Variants in PROM2 observed in about 807,000 individuals in gnomAD.
PROM2 encodes prominin 2.
In PROM2, 90 loss-of-function variants were observed where a neutral mutation model predicts 110.2. The observed-to-expected ratio is 0.82, with a 90% CI of 0.69 to 0.97. PROM2 has a LOEUF of 0.97. Ranked by LOEUF, PROM2 falls within the 50% of genes least tolerant of loss-of-function variation. The probability of loss-of-function intolerance (pLI) is 0.00; values close to 1 mark genes in which losing one functional copy is unlikely to be tolerated. For synonymous variants in PROM2, 470 were observed against 467.8 expected (o/e 1.00, Z -0.06); for missense variants, 1,009 against 1,074.8 (o/e 0.94, Z 0.86).
intron 6 of PROM2, 57 bp from the exon 7 acceptor site, chr2:95,277,307 A>C: frequency 2.0e-6 from 3 of 1,529,462 alleles, no homozygotes; most frequent in Non-Finnish European, 1.8e-6. Flanking sequence ...TGCCTCCTGC[A>C]AGGCGTCTGG....
chr2:95,288,370 G>T (rs1306899127), intron 21 of PROM2, 70 bp downstream of exon 21: 19 of 1,593,478 alleles, frequency 1.2e-5, no homozygotes, highest in African/African-American at 2.7e-5. Flanking sequence ...GGGAGGGCCG[G>T]GTGAGCAGGG....
chr2:95,274,907 G>A, intron 1 of PROM2, 78 bp downstream of exon 1: 12 of 1,452,790 alleles, frequency 8.3e-6, no homozygotes, highest in Non-Finnish European at 1.0e-5. Context: ...TCTACCATGG[G>A]ATGTGCCCAA....
intron 19 of PROM2, 63 bp from the exon 20 acceptor site, chr2:95,287,333 G>A (rs572862481): frequency 3.3e-5 from 53 of 1,587,910 alleles, no homozygotes; most frequent in Admixed American, 1.0e-4. Context: ...GGGGGGTGGC[G>A]TGGGTGGGGG....
At position 95,275,982 on chromosome 2, in the gene PROM2, A is replaced by G. The variant is rs138181911; in HGVS notation, c.347A>G (p.Tyr116Cys). 3.7e-6 allele frequency: 6 copies of G among 1,612,210 alleles called. No homozygotes were observed. Among genetic ancestry groups the G allele is most frequent in the Middle Eastern group, 1.7e-4 (1 of 6,060 alleles). The change falls in exon 3 of 24, where the codon TAC becomes TGC. Residue 116 changes from tyrosine to cysteine, a missense_variant. Coordinates refer to ENST00000317620, the MANE Select transcript of PROM2 (RefSeq NM_001165978.3). This position sits in a 1 kb window ranked among gnomAD's most constrained non-coding sequence, Gnocchi z 4.4. ...GTATGCGCTGTGATCGCGGGCCTCT[A>G]CCTGCTGCTGGTGCCCACTGCCGGG... ...YVVCAVIAGL[Y>C]LLLVPTAGLC...
At chr2:95,288,906 G>A (rs2104157280) in intron 22 of PROM2, 27 bp from the exon 23 acceptor site, 1 of 1,609,288 alleles carries the variant, frequency 6.2e-7, no homozygotes, top group Non-Finnish European at 8.5e-7. Context: ...GGAAGGGTAT[G>A]CTCACTCTCT....
At position 95,287,812 on chromosome 2, in the gene PROM2, G is replaced by A. The variant is rs552260559; in HGVS notation, c.2244+348G>A. Among the ~76,000 whole-genome samples, 12 of 152,360 alleles carry A rather than the reference G, an allele frequency of 7.9e-5. No individual in the cohort carries two copies. The South Asian group carries it at 2.5e-3, about 32-fold the overall frequency. On this transcript the variant is annotated intron_variant, in intron 20 of 23. Coordinates refer to ENST00000317620, the MANE Select transcript of PROM2 (RefSeq NM_001165978.3). ...CCGATGCAGACCCTTGCTGAACACAGCCTCTGCAAGCTGTCTGGATGCCCA... is the reference window on the plus strand; with the variant it reads ...CCGATGCAGACCCTTGCTGAACACAACCTCTGCAAGCTGTCTGGATGCCCA...
intron 12 of PROM2, 104 bp downstream of exon 12, chr2:95,281,469 A>T: frequency 8.0e-7 from 1 of 1,250,516 alleles, no homozygotes; most frequent in Non-Finnish European, 1.1e-6. Context: ...GGTAAAAGGG[A>T]GAGAGGGAGG....
chr2:95,285,747 G>A (rs1478217936), intron 16 of PROM2, 37 bp downstream of exon 16: 5 of 1,559,452 alleles, frequency 3.2e-6, no homozygotes, highest in Admixed American at 1.9e-5. Flanking sequence ...GGCAGCAGGA[G>A]CCACAGGGGG....
At chr2:95,278,129 G>A (rs1676786595) in intron 8 of PROM2, 125 bp downstream of exon 8, 1 of 754,912 alleles carries the variant, frequency 1.3e-6, no homozygotes, top group African/African-American at 1.7e-5. Flanking sequence ...ACAGCACCCT[G>A]GGCAGGGGAC....
In PROM2 at chr2:95,274,533, C is replaced by A; in HGVS notation, c.-53C>A. 1.3e-6 allele frequency: 2 copies of A among 1,512,268 alleles called. No individual in the cohort carries two copies. Among genetic ancestry groups the A allele is most frequent in the Non-Finnish European group, 1.8e-6 (2 of 1,128,420 alleles). The allele number at this position is 1,512,268 out of a possible 1,614,324, so 93.7% of individuals were successfully genotyped here. ...AGGCTGGAGAAGGATGTATGGCCTG[C>A]CCTGGGCTTGTCTGTTCCCTCCTGA... is the stretch of plus-strand genomic sequence containing the variant. On this transcript the variant is annotated 5_prime_UTR_variant, in exon 1 of 24. It introduces an in-frame stop codon into an upstream open reading frame of the 5' UTR. Transcript: ENST00000317620.
At chr2:95,277,599 A>T (rs1676752778) in intron 7 of PROM2, 33 bp downstream of exon 7, 2 of 1,503,812 alleles carry the variant, frequency 1.3e-6, no homozygotes, top group East Asian at 4.6e-5. Context: ...TCTTAAAGCC[A>T]CGGAGGGCTA....
At chr2:95,278,610 A>G in intron 8 of PROM2, 111 bp from the exon 9 acceptor site, 1 of 1,239,676 alleles carries the variant, frequency 8.1e-7, no homozygotes, top group Non-Finnish European at 1.2e-6. Flanking sequence ...GAAAAGAGGG[A>G]AACTGGGAGC....
chr2:95,277,589 T>A, intron 7 of PROM2, 23 bp downstream of exon 7: 1 of 1,520,464 alleles, frequency 6.6e-7, no homozygotes, highest in Non-Finnish European at 8.8e-7. Flanking sequence ...GACAGAGTCC[T>A]CTTAAAGCCA....
chr2:95,281,437 T>C, intron 12 of PROM2, 72 bp downstream of exon 12: 1 of 297,906 alleles, frequency 3.4e-6, no homozygotes, highest in Non-Finnish European at 4.1e-6. Flanking sequence ...GCAGGAGGGT[T>C]GGGGGAAAGT....
rs1165397604 is a variant in PROM2 at position 95,274,849 on chromosome 2, A to T, written c.244+20A>T. 1 of 1,514,094 alleles carries T rather than the reference A, an allele frequency of 6.6e-7. No individual in the cohort carries two copies. Among genetic ancestry groups the T allele is most frequent in the Non-Finnish European group, 8.9e-7 (1 of 1,129,030 alleles). The allele number at this position is 1,514,094 out of a possible 1,614,324, so 93.8% of individuals were successfully genotyped here. Reference sequence around the variant, plus strand: ...CTTCAGGTGAGTGTGCCCCTCCCCCATGAGGGCCTCAGCATTTGGGTCCCC... The same window carrying T: ...CTTCAGGTGAGTGTGCCCCTCCCCCTTGAGGGCCTCAGCATTTGGGTCCCC... On this transcript the variant is annotated intron_variant, in intron 1 of 23. Coordinates refer to ENST00000317620, the MANE Select transcript of PROM2 (RefSeq NM_001165978.3).
intron 21 of PROM2, 67 bp from the exon 22 acceptor site, chr2:95,288,416 T>C (rs1480669705): frequency 6.3e-7 from 1 of 1,589,300 alleles, no homozygotes; most frequent in African/African-American, 1.3e-5. Flanking sequence ...CCGGCTCTGA[T>C]GACAAGGCAG....
At chr2:95,283,802 C>A (rs1244455317) in intron 14 of PROM2, among the ~76,000 whole-genome samples, 1 of 152,140 alleles carries the variant, frequency 6.6e-6, no homozygotes. Flanking sequence ...TTCATTCATT[C>A]ATTCATTCAC....
intron 18 of PROM2, 50 bp downstream of exon 18, chr2:95,286,907 C>G: frequency 6.3e-7 from 1 of 1,585,980 alleles, no homozygotes; most frequent in South Asian, 1.1e-5. Context: ...GCTGCAGAGG[C>G]GGGGAGGAAG....
At position 95,289,326 on chromosome 2, in the gene PROM2, G is replaced by A; in HGVS notation, c.*113G>A. 2.5e-6 allele frequency: 1 copy of A among 392,256 alleles called. No homozygotes were observed. Among genetic ancestry groups the A allele is most frequent in the South Asian group, 3.0e-5 (1 of 33,256 alleles). 24.3% of individuals were successfully genotyped at this position (392,256 alleles called of 1,614,324 possible). A position where few individuals can be genotyped will look rare whatever the true frequency, so the allele number is the denominator to read the frequency against. On this transcript the variant is annotated 3_prime_UTR_variant, in exon 24 of 24. Transcript: ENST00000317620. ...GAGCCCAGGCTGGCATCCAGGCCTG[G>A]ACTGTCCCCAGTTCCGGCTTACCTG...
Sources: gnomAD v4.1 joint callset for allele counts (sites outside exome capture counted in the v4.1 genomes callset) on GRCh38, gnomAD v4.1.1 for gene constraint, Gnocchi (gnomAD v3.1) non-coding constraint, MANE v1.5 for transcripts, NCBI Gene and HGNC (gene_info 2026-07-23, HGNC 2026-07-21) for gene names.